SGK1: variants seen among roughly 807,000 people sequenced by gnomAD.
SGK1 encodes serum/glucocorticoid regulated kinase 1, also known as serine/threonine-protein kinase Sgk1.
SGK1 carries 26 observed loss-of-function variants against 64.2 expected under a neutral mutation model. That is an observed-to-expected ratio of 0.40 (90% confidence interval 0.30 to 0.56). SGK1 has a LOEUF of 0.56. Ranked by LOEUF, SGK1 falls within the 20% of genes least tolerant of loss-of-function variation. The pLI, the probability that SGK1 is intolerant of heterozygous loss-of-function variation, is 0.38. For missense variants in SGK1, 519 were observed against 645.6 expected, an observed-to-expected ratio of 0.80 and a Z score of 2.12; for synonymous variants, 265 against 239.7, an observed-to-expected ratio of 1.11 and a Z score of -0.98.
intron 1 of SGK1, among the ~76,000 whole-genome samples, chr6:134,270,582 C>T (rs949785235): frequency 6.7e-6 from 1 of 148,222 alleles, no homozygotes; most frequent in Non-Finnish European, 1.5e-5. Context: ...GATGGAGTGA[C>T]TTTTAGAATT....
chr6:134,235,294 G>A (rs139635576), intron 2 of SGK1, among the ~76,000 whole-genome samples: 132 of 152,142 alleles, frequency 8.7e-4, no homozygotes, highest in African/African-American at 2.6e-3. Flanking sequence ...CTTTCACATC[G>A]CTTCCAGGGC....
intron 3 of SGK1, among the ~76,000 whole-genome samples, chr6:134,188,155 T>C (rs1459627925): frequency 2.0e-5 from 3 of 152,184 alleles, no homozygotes; most frequent in African/African-American, 7.2e-5. Context: ...CACTTGATTG[T>C]TAAAATACCC....
At chr6:134,296,367 GTTCAAGCAATCCTCTCAC>G (rs1198030199) in intron 1 of SGK1, among the ~76,000 whole-genome samples, 1 of 152,116 alleles carries the variant, frequency 6.6e-6, no homozygotes, top group East Asian at 1.9e-4. Context: ...CCAACTTCTG[GTTCAAGCAATCCTCTCAC>G]TTCAGCCTTC....
chr6:134,202,084 T>C (rs534377329), intron 3 of SGK1, among the ~76,000 whole-genome samples: 2 of 152,028 alleles, frequency 1.3e-5, no homozygotes, highest in East Asian at 3.9e-4. Flanking sequence ...AAAATAAAAA[T>C]AAAATTACAG....
intron 3 of SGK1, among the ~76,000 whole-genome samples, chr6:134,187,299 G>A (rs1394791509): frequency 4.6e-5 from 7 of 152,080 alleles, no homozygotes; most frequent in Non-Finnish European, 8.8e-5. Context: ...TTGTGTCTCC[G>A]GAAGCACTCC....
chr6:134,199,862 A>C (rs1214380374), intron 3 of SGK1, among the ~76,000 whole-genome samples: 2 of 152,214 alleles, frequency 1.3e-5, no homozygotes, highest in East Asian at 3.8e-4. Flanking sequence ...CCAGGGGAAC[A>C]TCAAAGAATT....
intron 1 of SGK1, among the ~76,000 whole-genome samples, chr6:134,290,923 T>C (rs1377307618): frequency 6.6e-6 from 1 of 152,158 alleles, no homozygotes; most frequent in African/African-American, 2.4e-5. Context: ...CAGCACATAT[T>C]CAGTCCTCAA....
intron 2 of SGK1, among the ~76,000 whole-genome samples, chr6:134,250,900 A>G (rs1776596800): frequency 6.6e-6 from 1 of 152,062 alleles, no homozygotes; most frequent in Non-Finnish European, 1.5e-5. Flanking sequence ...CCTCTCAGGT[A>G]GCTGGGACTA....
intron 2 of SGK1, among the ~76,000 whole-genome samples, chr6:134,233,766 A>G (rs1776324154): frequency 1.3e-5 from 2 of 152,156 alleles, no homozygotes; most frequent in Non-Finnish European, 2.9e-5. Flanking sequence ...AATCACACTG[A>G]TGCCAAACTA....
chr6:134,174,886 C>T (rs1775170984), intron 3 of SGK1: 1 of 1,593,962 alleles, frequency 6.3e-7, no homozygotes. Context: ...CGCGCTCGGC[C>T]TTATAAAAAA....
At chr6:134,220,072 AAAAAAAAAAAAAAAAG>A (rs1435157956) in intron 2 of SGK1, among the ~76,000 whole-genome samples, 4 of 145,404 alleles carry the variant, frequency 2.8e-5, no homozygotes, top group Non-Finnish European at 6.0e-5. Flanking sequence ...AAAAAAAAAA[AAAAAAAAAAAAAAAAG>A]AAAAGAAAAG....
intron 1 of SGK1, among the ~76,000 whole-genome samples, chr6:134,272,409 C>T (rs952669705): frequency 6.8e-6 from 1 of 146,172 alleles, no homozygotes; most frequent in Non-Finnish European, 1.5e-5. Context: ...CCACCTTGGC[C>T]TCCCAGAGTG....
intron 3 of SGK1, among the ~76,000 whole-genome samples, chr6:134,196,593 T>C (rs1031416741): frequency 1.3e-5 from 2 of 152,196 alleles, no homozygotes; most frequent in African/African-American, 4.8e-5. Flanking sequence ...CCACAACAGA[T>C]TGTACACTAC....
intron 1 of SGK1, among the ~76,000 whole-genome samples, chr6:134,273,906 G>A (rs1344213947): frequency 6.6e-6 from 1 of 152,110 alleles, no homozygotes; most frequent in Admixed American, 6.6e-5. Flanking sequence ...TGATTCTCCT[G>A]CCTTAGCCTT....
At chr6:134,275,467 CA>C (rs1426111591) in intron 1 of SGK1, among the ~76,000 whole-genome samples, 15 of 152,224 alleles carry the variant, frequency 9.9e-5, no homozygotes, top group African/African-American at 3.6e-4. Flanking sequence ...CAGTGGCTTT[CA>C]AACCTGTTTC....
At chr6:134,310,037 G>A (rs1039388996) in intron 1 of SGK1, among the ~76,000 whole-genome samples, 12 of 151,806 alleles carry the variant, frequency 7.9e-5, no homozygotes, top group East Asian at 1.9e-4. Context: ...TTTCATATTC[G>A]GAAATCTCCA....
intron 1 of SGK1, among the ~76,000 whole-genome samples, chr6:134,290,933 A>G (rs1777255118): frequency 6.6e-6 from 1 of 152,154 alleles, no homozygotes; most frequent in South Asian, 2.1e-4. Context: ...TCAGTCCTCA[A>G]AAAATATATT....
chr6:134,249,102 C>A (rs556220906), intron 2 of SGK1, among the ~76,000 whole-genome samples: 2 of 152,066 alleles, frequency 1.3e-5, no homozygotes, highest in African/African-American at 2.4e-5. Context: ...AAGAATCAAG[C>A]GTATTGTACG....
chr6:134,292,980 C>A (rs1777289470), intron 1 of SGK1, among the ~76,000 whole-genome samples: 1 of 150,986 alleles, frequency 6.6e-6, no homozygotes. Context: ...TTCCCTAAAT[C>A]GTATATCATC....
Sources: allele counts gnomAD v4.1 joint callset (sites outside exome capture counted in the v4.1 genomes callset), GRCh38; gene constraint gnomAD v4.1.1; transcripts MANE v1.5; gene names NCBI Gene and HGNC (gene_info 2026-07-23, HGNC 2026-07-21).